MYO1F: variants seen among roughly 807,000 people sequenced by gnomAD.
MYO1F encodes myosin IF.
In MYO1F, 60 loss-of-function variants were observed where a neutral mutation model predicts 146.6. The observed-to-expected ratio is 0.41, with a 90% CI of 0.33 to 0.51. MYO1F has a LOEUF of 0.51. Among genes scored for constraint, MYO1F ranks in the 20% least tolerant of loss-of-function variants. The probability of loss-of-function intolerance (pLI) is 0.25; values close to 1 mark genes in which losing one functional copy is unlikely to be tolerated. For missense variants in MYO1F, 1,274 were observed against 1,534.3 expected, an observed-to-expected ratio of 0.83 and a Z score of 2.83; for synonymous variants, 602 against 602.1, an observed-to-expected ratio of 1.00 and a Z score of 0.00.
intron 16 of MYO1F, among the ~76,000 whole-genome samples, chr19:8,538,663 C>T (rs1299671852): frequency 6.6e-6 from 1 of 150,672 alleles, no homozygotes; most frequent in Admixed American, 6.6e-5. Flanking sequence ...TCATGGTTCA[C>T]TGCAGCCTCG....
At chr19:8,536,163 C>T in intron 19 of MYO1F, 89 bp downstream of exon 19, 1 of 1,465,572 alleles carries the variant, frequency 6.8e-7, no homozygotes, top group Non-Finnish European at 9.3e-7. Flanking sequence ...CTCTGTCTCC[C>T]TCTGTCTCTC....
At chr19:8,544,934 G>A (rs1301140358) in intron 13 of MYO1F, among the ~76,000 whole-genome samples, 2 of 151,778 alleles carry the variant, frequency 1.3e-5, no homozygotes, top group Non-Finnish European at 2.9e-5. Context: ...CCGCCACCAT[G>A]CCCGGCTAAT....
At chr19:8,523,145 C>T (rs963071834) in intron 25 of MYO1F, among the ~76,000 whole-genome samples, 1 of 151,690 alleles carries the variant, frequency 6.6e-6, no homozygotes, top group Non-Finnish European at 1.5e-5. Context: ...CATTCTCCTG[C>T]CTCAGCCTCC....
intron 16 of MYO1F, among the ~76,000 whole-genome samples, chr19:8,539,206 G>A (rs1399000801): frequency 6.6e-6 from 1 of 151,988 alleles, no homozygotes; most frequent in East Asian, 1.9e-4. Flanking sequence ...CCTGAGGTCG[G>A]GAGTTCGAGA....
At chr19:8,548,823 C>T (rs1014005133) in intron 10 of MYO1F, among the ~76,000 whole-genome samples, 2 of 150,720 alleles carry the variant, frequency 1.3e-5, no homozygotes, top group Non-Finnish European at 3.0e-5. Context: ...CTCCTGACCT[C>T]GTGATCCGCC....
rs764799983 is a variant in MYO1F at position 8,550,580 on chromosome 19, G to A, written c.886C>T (p.Arg296Ter). ...CACTCACGGTCCACACTCTCCACTC[G>A]GGCGTAATTCCCGTCTTCACAGAAA... Reference protein sequence around the residue: ...ISFCEDGNYARVESVDLLAFP... With the variant: ...ISFCEDGNYA Residue 296 changes from arginine to a stop codon, truncating the protein, a stop_gained, in exon 9 of 28, where the codon CGA becomes TGA. Transcript: ENST00000644032. LOFTEE classifies it high-confidence loss of function. The A allele has an allele frequency of 9.9e-6, 16 of 1,613,950 alleles. No individual in the cohort carries two copies. The highest frequency in any genetic ancestry group is 1.3e-5 in the Non-Finnish European group (15 of 1,180,018).
At chr19:8,539,212 C>T (rs1403488267) in intron 16 of MYO1F, among the ~76,000 whole-genome samples, 3 of 151,692 alleles carry the variant, frequency 2.0e-5, no homozygotes, top group Middle Eastern at 3.4e-3. Flanking sequence ...GTCGGGAGTT[C>T]GAGAATAGCC....
intron 1 of MYO1F, among the ~76,000 whole-genome samples, chr19:8,558,564 C>T (rs979862188): frequency 6.6e-6 from 1 of 152,050 alleles, no homozygotes; most frequent in African/African-American, 2.4e-5. Context: ...CTCCTTTTAG[C>T]CCGACTGAAT....
chr19:8,527,275 A>G, intron 22 of MYO1F, 63 bp downstream of exon 22: 4 of 1,608,752 alleles, frequency 2.5e-6, no homozygotes, highest in Non-Finnish European at 3.4e-6. Flanking sequence ...CGGGGTCACT[A>G]GAATGAGGGC....
At chr19:8,525,726 C>G (rs1972239692) in intron 24 of MYO1F, among the ~76,000 whole-genome samples, 164 bp from the exon 25 acceptor site, 1 of 151,998 alleles carries the variant, frequency 6.6e-6, no homozygotes, top group Admixed American at 6.6e-5. Context: ...ACTAATTGGC[C>G]TCGCCCCCCA....
intron 25 of MYO1F, among the ~76,000 whole-genome samples, chr19:8,523,313 A>G (rs12151191): frequency 0.36 from 53,975 of 151,922 alleles, 11,306 homozygotes; most frequent in South Asian, 0.51. Context: ...GATTACAGGC[A>G]TGAGCCACCG....
At chr19:8,535,764 C>T (rs1476018825) in intron 19 of MYO1F, among the ~76,000 whole-genome samples, 11 of 151,970 alleles carry the variant, frequency 7.2e-5, no homozygotes, top group Non-Finnish European at 4.4e-5. Flanking sequence ...ACTGCAACCT[C>T]TGCCTCCTGG....
intron 16 of MYO1F, among the ~76,000 whole-genome samples, chr19:8,539,414 CA>C (rs564833295): frequency 2.1e-5 from 3 of 144,646 alleles, no homozygotes; most frequent in East Asian, 2.0e-4. Context: ...AACTCCATCT[CA>C]AAAAAAAAAC....
At chr19:8,553,057 G>T (rs912604467) in intron 6 of MYO1F, 82 bp downstream of exon 6, 2 of 1,289,268 alleles carry the variant, frequency 1.6e-6, no homozygotes, top group South Asian at 1.2e-5. Context: ...TTGGCAATAC[G>T]GGTGTGTGTA....
chr19:8,554,449 G>T lies in MYO1F; in HGVS notation c.326+28C>A, dbSNP rs369292088. 141 of 1,567,074 alleles carry T rather than the reference G, an allele frequency of 9.0e-5. No individual in the cohort carries two copies. The African/African-American group carries it at 1.8e-3, about 20-fold the overall frequency. ...TTTCAGCAGGGGCCCGGGCAGCAGG[G>T]TCTGTGGCCCCCCAACTCTGTCCAT... On this transcript the variant is annotated intron_variant, in intron 4 of 27. Transcript: ENST00000644032.
chr19:8,530,501 G>A lies in MYO1F; in HGVS notation c.2116C>T (p.Arg706Cys), dbSNP rs1279258572. Residue 706 changes from arginine to cysteine, a missense_variant, in exon 20 of 28, where the codon CGC (arginine) becomes TGC (cysteine). Arg to Cys is a radical substitution (Grantham distance 180). Around this residue, in one of 2 missense-constraint regions of MYO1F, gnomAD observed 900 missense variants for 1,155.1 expected, o/e 0.78. Transcript: ENST00000644032. The surrounding 1 kb of genome is among the most constrained non-coding windows in gnomAD (Gnocchi z 5.8). ...FARTIQKAWR[R>C]HVAVRKYEEM... is the part of the protein sequence containing the mutation. ...TCGTACTTCCGGACAGCCACGTGGC[G>A]CCGCCAGGCCTTCTGGATGGTTCGG... 3.7e-6 allele frequency: 6 copies of A among 1,613,664 alleles called. No individual in the cohort carries two copies. Among genetic ancestry groups the A allele is most frequent in the African/African-American group, 1.3e-5 (1 of 75,052 alleles).
At chr19:8,538,617 C>T (rs1249416806) in intron 16 of MYO1F, among the ~76,000 whole-genome samples, 4 of 144,196 alleles carry the variant, frequency 2.8e-5, no homozygotes, top group African/African-American at 1.1e-4. Context: ...GAGACAGGGT[C>T]TCACTCTGTT....
At chr19:8,558,141 T>G (rs1973934375) in intron 1 of MYO1F, among the ~76,000 whole-genome samples, 1 of 151,946 alleles carries the variant, frequency 6.6e-6, no homozygotes, top group Non-Finnish European at 1.5e-5. Flanking sequence ...TTCATTTCAT[T>G]TCCTCTCTCA....
Position 8,521,053 on chromosome 19 carries a change from T to C in MYO1F, c.*475A>G, listed in dbSNP as rs1281343148. 3.7e-6 allele frequency: 1 copy of C among 273,670 alleles called. No individual in the cohort carries two copies. Among genetic ancestry groups the C allele is most frequent in the Admixed American group, 4.9e-5 (1 of 20,584 alleles). The allele number at this position is 273,670 out of a possible 1,614,324, so 17.0% of individuals were successfully genotyped here. A position where few individuals can be genotyped will look rare whatever the true frequency, so the allele number is the denominator to read the frequency against. ...GTAAGATGGGGTCCTTCACAGCTCC[T>C]ACCTCACAGGGCTGTGAAAACATCG... On this transcript the variant is annotated 3_prime_UTR_variant, in exon 28 of 28. Transcript: ENST00000644032.
Sources: gnomAD v4.1 joint callset for allele counts (sites outside exome capture counted in the v4.1 genomes callset) on GRCh38, gnomAD v4.1.1 for gene constraint, gnomAD v4.1.1 regional missense constraint, Gnocchi (gnomAD v3.1) non-coding constraint, MANE v1.5 for transcripts, NCBI Gene and HGNC (gene_info 2026-07-23, HGNC 2026-07-21) for gene names.